EVL: variants seen among roughly 807,000 people sequenced by gnomAD.
EVL encodes the protein Enah/Vasp-like, also known as ena/VASP-like protein.
Under a neutral mutation model 59.6 loss-of-function variants are expected in EVL, and 21 were observed. The observed-to-expected ratio is 0.35, with a 90% CI of 0.25 to 0.51. EVL has a LOEUF of 0.51. Ranked by LOEUF, EVL falls within the 20% of genes least tolerant of loss-of-function variation. The pLI is 0.97. For synonymous variants in EVL, 198 were observed against 203.5 expected, an observed-to-expected ratio of 0.97 and a Z score of 0.23; for missense variants, 462 against 546.6, an observed-to-expected ratio of 0.85 and a Z score of 1.54.
chr14:100,004,973 A>T (rs1006581231), intron 1 of EVL, among the ~76,000 whole-genome samples: 2 of 152,214 alleles, frequency 1.3e-5, no homozygotes, highest in African/African-American at 4.8e-5. Context: ...AAGTTTGTCT[A>T]CAAGTATTTA....
chr14:99,987,905 ATTTTTTTTTTT>A lies in EVL; in HGVS notation c.5+15864_5+15874del, dbSNP rs774580760. Among the ~76,000 whole-genome samples, 27 of 103,820 alleles carry A rather than the reference ATTTTTTTTTTT, an allele frequency of 2.6e-4. 1 individual carries two copies. Among genetic ancestry groups the A allele is most frequent in the South Asian group, 1.2e-3 (4 of 3,328 alleles). 68.1% of individuals were successfully genotyped at this position (103,820 alleles called of 152,430 possible). ...ATCTCAACAATGAAAAGACAACCCA[ATTTTTTTTTTT>A]TTTTTTTTTTTTTTTGAGACGGAGT... On this transcript the variant is annotated intron_variant, in intron 1 of 13. Coordinates refer to the EVL transcript ENST00000402714.
intron 4 of EVL, among the ~76,000 whole-genome samples, chr14:100,124,763 G>A (rs1006523861): frequency 1.3e-5 from 2 of 152,144 alleles, no homozygotes; most frequent in African/African-American, 2.4e-5. Context: ...CATTTCTCTC[G>A]AAACTGCTTC....
intron 1 of EVL, among the ~76,000 whole-genome samples, chr14:99,994,415 T>C (rs944336788): frequency 1.3e-5 from 2 of 152,068 alleles, no homozygotes; most frequent in African/African-American, 4.8e-5. Flanking sequence ...GATTCCCTTA[T>C]CATTTCCCAT....
chr14:100,116,871 G>A (rs926702173), intron 3 of EVL, among the ~76,000 whole-genome samples: 4 of 152,152 alleles, frequency 2.6e-5, no homozygotes, highest in East Asian at 1.9e-4. Context: ...TTGGTTCCAC[G>A]CTTCTCACTT....
At chr14:100,008,211 G>A (rs1473250911) in intron 1 of EVL, among the ~76,000 whole-genome samples, 2 of 152,118 alleles carry the variant, frequency 1.3e-5, no homozygotes, top group East Asian at 1.9e-4. Context: ...ATTCTGGGGC[G>A]GGATCTGAGA....
At position 99,972,036 on chromosome 14, in the gene EVL, C is replaced by T. The variant is rs577064116; in HGVS notation, c.-17C>T. 7,012 of 241,810 alleles carry T rather than the reference C, an allele frequency of 0.029. 146 individuals are homozygous for T. The highest frequency in any genetic ancestry group is 0.041 in the Non-Finnish European group (5,183 of 126,470). The allele number at this position is 241,810 out of a possible 1,614,324, so 15.0% of individuals were successfully genotyped here. A position where few individuals can be genotyped will look rare whatever the true frequency, so the allele number is the denominator to read the frequency against. ...CGGGTCGCCCCTGGCCCGGCGCGCC[C>T]GTCCCCGGCAGCGACAATGAGGTGA... On this transcript the variant is annotated 5_prime_UTR_variant, in exon 1 of 14. Transcript: ENST00000402714. This position sits in a 1 kb window ranked among gnomAD's most constrained non-coding sequence, Gnocchi z 4.4.
intron 1 of EVL, among the ~76,000 whole-genome samples, chr14:100,038,771 G>GGGGGGTGTGTGT (rs375810603): frequency 2.1e-5 from 3 of 140,916 alleles, no homozygotes; most frequent in African/African-American, 7.8e-5. Flanking sequence ...TGTGCCCTGG[G>GGGGGGTGTGTGT]GTGTGTGTGT....
intron 3 of EVL, chr14:100,106,779 G>A (rs548910305): frequency 3.0e-5 from 12 of 398,454 alleles, no homozygotes; most frequent in African/African-American, 8.2e-5. Flanking sequence ...CCTGGTTGTC[G>A]CTTAACAGTG....
upstream of EVL, among the ~76,000 whole-genome samples, chr14:100,062,228 A>G (rs1420713958): frequency 3.3e-5 from 5 of 151,832 alleles, no homozygotes; most frequent in Non-Finnish European, 5.9e-5. Flanking sequence ...ATATGTATAT[A>G]TATATATATG....
intron 1 of EVL, among the ~76,000 whole-genome samples, chr14:100,033,974 C>T (rs1435812980): frequency 6.6e-6 from 1 of 152,004 alleles, no homozygotes; most frequent in Non-Finnish European, 1.5e-5. Flanking sequence ...GTCTGTAATC[C>T]CAGAACTTCA....
chr14:100,117,217 C>T (rs1015817608), intron 3 of EVL, among the ~76,000 whole-genome samples: 3 of 152,326 alleles, frequency 2.0e-5, no homozygotes, highest in East Asian at 1.9e-4. Context: ...GAGGTCAGAC[C>T]GGGTGGCTCC....
rs148055977 is a variant in EVL at position 100,015,401 on chromosome 14, G to A, written c.5+43344G>A. ...TGTTCATGTTTGTGTTTGTATCAGC[G>A]TCTCCATGTTTGTTTCTCCGGAGAA... On this transcript the variant is annotated intron_variant, in intron 1 of 13. Coordinates refer to the EVL transcript ENST00000402714. Among the ~76,000 whole-genome samples the A allele has an allele frequency of 3.3e-4, 50 of 152,274 alleles. 2 individuals are homozygous for A. Among genetic ancestry groups the A allele is most frequent in the African/African-American group, 1.1e-3 (46 of 41,538 alleles).
At chr14:99,988,311 G>GT (rs2140176007) in intron 1 of EVL, among the ~76,000 whole-genome samples, 1 of 152,238 alleles carries the variant, frequency 6.6e-6, no homozygotes, top group South Asian at 2.1e-4. Flanking sequence ...AAGGTGCTTA[G>GT]CATCATTAGA....
chr14:100,001,030 A>G (rs541214668), intron 1 of EVL, among the ~76,000 whole-genome samples: 3 of 152,290 alleles, frequency 2.0e-5, no homozygotes, highest in South Asian at 2.1e-4. Flanking sequence ...CTCATGTCCT[A>G]TGAAGAGAAA....
rs1272430610 is a variant in EVL at position 100,137,714 on chromosome 14, A to G, written c.1032-26A>G. 6 of 1,613,808 alleles carry G rather than the reference A, an allele frequency of 3.7e-6. No homozygotes were observed. In the East Asian group the frequency reaches 8.9e-5, roughly 24 times the overall value. ...GAGGCGGGCGCTGGCGCCGATTCAC[A>G]TGTCTGTTTCATTCCATTGCCGTAG... On this transcript the variant is annotated intron_variant, in intron 10 of 13. Transcript: ENST00000392920.
At chr14:100,111,321 T>A (rs1040997479) in intron 3 of EVL, among the ~76,000 whole-genome samples, 4 of 152,058 alleles carry the variant, frequency 2.6e-5, no homozygotes, top group Admixed American at 2.0e-4. Context: ...CACGCCCGGC[T>A]AATTTTTGTA....
In EVL at chr14:100,129,623, G is replaced by A. The variant is rs1888305405; in HGVS notation, c.778G>A (p.Ala260Thr). ...SGTSKSDANR[A>T]SSGGGGGGLM... ...GACCTCAAAGTCCGATGCCAACCGG[G>A]CAAGCAGCGGGGGTGGCGGAGGAGG... Residue 260 changes from alanine to threonine, a missense_variant, in exon 7 of 14, where the codon GCA becomes ACA. Physicochemically the swap from Ala to Thr is moderately conservative, Grantham distance 58. Coordinates refer to ENST00000392920, the MANE Select transcript of EVL (RefSeq NM_016337.3). 2 of 1,612,756 alleles carry A rather than the reference G, an allele frequency of 1.2e-6. No homozygotes were observed. Among genetic ancestry groups the A allele is most frequent in the East Asian group, 4.5e-5 (2 of 44,866 alleles).
intron 1 of EVL, among the ~76,000 whole-genome samples, chr14:100,023,717 C>G (rs1023549263): frequency 3.9e-5 from 6 of 152,124 alleles, no homozygotes; most frequent in Admixed American, 3.9e-4. Context: ...CCACCTCAGC[C>G]TCCCAAAGTG....
At chr14:100,122,211 T>G (rs1887744837) in intron 3 of EVL, among the ~76,000 whole-genome samples, 1 of 152,184 alleles carries the variant, frequency 6.6e-6, no homozygotes, top group African/African-American at 2.4e-5. Flanking sequence ...TCTGCCACAT[T>G]CATCCTTCTT....
Sources: gnomAD v4.1 joint callset for allele counts (sites outside exome capture counted in the v4.1 genomes callset) on GRCh38, gnomAD v4.1.1 for gene constraint, Gnocchi (gnomAD v3.1) non-coding constraint, MANE v1.5 for transcripts, NCBI Gene and HGNC (gene_info 2026-07-23, HGNC 2026-07-21) for gene names.